Variants in SPATA13 observed in about 807,000 individuals in gnomAD.
SPATA13 encodes the protein spermatogenesis-associated protein 13.
A neutral mutation model predicts 104.0 loss-of-function variants in SPATA13; 50 were observed. The observed-to-expected ratio is 0.48, with a 90% confidence interval of 0.38 to 0.61. SPATA13 has a LOEUF of 0.61. SPATA13 is among the 20% of genes least tolerant of loss of function. The pLI, the probability that SPATA13 is intolerant of heterozygous loss-of-function variation, is 0.00. For missense variants in SPATA13, 1,524 were observed against 1,690.6 expected (o/e 0.90, Z 1.73); for synonymous variants, 606 against 667.5 (o/e 0.91, Z 1.42).
intron 4 of SPATA13, among the ~76,000 whole-genome samples, chr13:24,261,637 G>T (rs1440415584): frequency 6.6e-6 from 1 of 152,208 alleles, no homozygotes; most frequent in African/African-American, 2.4e-5. Context: ...AAAGTAGCCA[G>T]GCAGGTAAGC....
At chr13:24,145,650 T>G (rs771997059) in intron 3 of SPATA13, among the ~76,000 whole-genome samples, 6 of 152,040 alleles carry the variant, frequency 3.9e-5, no homozygotes, top group Non-Finnish European at 8.8e-5. Context: ...CAACTTACAG[T>G]TTGGGGAATG....
At chr13:24,138,485 C>T (rs182538874) in intron 3 of SPATA13, among the ~76,000 whole-genome samples, 30 of 152,216 alleles carry the variant, frequency 2.0e-4, no homozygotes, top group African/African-American at 7.0e-4. Context: ...GGAACTGCTG[C>T]GTTGGTTTTA....
rs1458068316 is a variant in SPATA13 at position 24,103,504 on chromosome 13, A to AAAAAAAAGAG, written c.-112+85804_-112+85805insAAAAAAGAGA. On this transcript the variant is annotated intron_variant, in intron 3 of 14. Transcript: ENST00000424834. ...TGTCTCAAAAAAAAAAAAAAAAAAC[A>AAAAAAAAGAG]AGAAAGAAAAGAGCAGGGGAGGAGA... Among the ~76,000 whole-genome samples the AAAAAAAAGAG allele has an allele frequency of 7.8e-5, 9 of 115,610 alleles. No individual in the cohort carries two copies. The East Asian group carries it at 1.4e-3, about 17-fold the overall frequency. The allele number at this position is 115,610 out of a possible 152,430, so 75.8% of individuals were successfully genotyped here. A position where few individuals can be genotyped will look rare whatever the true frequency, so the allele number is the denominator to read the frequency against.
intron 1 of SPATA13, among the ~76,000 whole-genome samples, chr13:24,188,195 G>C (rs1422681103): frequency 1.3e-5 from 2 of 152,016 alleles, no homozygotes; most frequent in Non-Finnish European, 2.9e-5. Context: ...CAAAAAATTA[G>C]CTGGGCGTGG....
At chr13:24,294,362 G>T (rs149177102) in intron 9 of SPATA13, among the ~76,000 whole-genome samples, 1 of 152,348 alleles carries the variant, frequency 6.6e-6, no homozygotes, top group African/African-American at 2.4e-5. Flanking sequence ...AGTACTTTAT[G>T]TAGCAAGAGT....
rs914404461 is a variant in SPATA13, at chr13:24,278,316, A to G, written c.2165-5819A>G. The stretch of plus-strand genomic sequence containing the variant: ...TGAGTTTCCTCATCTGCAAGTGGGG[A>G]CAACTGACAGTACCTCCCATGTAGC... On this transcript the variant is annotated intron_variant, in intron 4 of 12. Coordinates refer to ENST00000382108, the MANE Select transcript of SPATA13 (RefSeq NM_001166271.3). Among the ~76,000 whole-genome samples, 23 of 152,300 alleles carry G rather than the reference A, an allele frequency of 1.5e-4. No homozygotes were observed. In the South Asian group the frequency reaches 4.1e-3, roughly 27 times the overall value.
At chr13:24,098,606 A>AG (rs1555261417) in intron 3 of SPATA13, among the ~76,000 whole-genome samples, 39 of 147,910 alleles carry the variant, frequency 2.6e-4, no homozygotes, top group African/African-American at 8.6e-4. Context: ...AAAAAAAAAA[A>AG]AAGAAGAAGA....
chr13:24,040,740 A>C (rs569183227), intron 3 of SPATA13, among the ~76,000 whole-genome samples: 5 of 152,204 alleles, frequency 3.3e-5, no homozygotes, highest in Non-Finnish European at 7.4e-5. Context: ...GGGTCGCTTC[A>C]AGGCACCCCA....
At position 24,185,697 on chromosome 13, in the gene SPATA13, A is replaced by C. The variant is rs535692986; in HGVS notation, c.-112+24765A>C. ...TGAAGGTTTCTCAATTCCTGGATTTAACTTAGAACACATACAAATAGATGC... is the reference window on the plus strand; with the variant it reads ...TGAAGGTTTCTCAATTCCTGGATTTCACTTAGAACACATACAAATAGATGC... On this transcript the variant is annotated intron_variant, in intron 1 of 12. Transcript: ENST00000382108. Among the ~76,000 whole-genome samples, 4 of 150,520 alleles carry C rather than the reference A, an allele frequency of 2.7e-5. No individual in the cohort carries two copies. In the South Asian group the frequency reaches 8.5e-4, roughly 32 times the overall value.
At chr13:24,189,854 A>ATATACTATGATAATT in intron 1 of SPATA13, among the ~76,000 whole-genome samples, 2 of 44,646 alleles carry the variant, frequency 4.5e-5, no homozygotes, top group African/African-American at 1.1e-4. Flanking sequence ...ATATTATATT[A>ATATACTATGATAATT]ATATATCATA....
At position 24,075,467 on chromosome 13, in the gene SPATA13, C is replaced by T. The variant is rs75235178; in HGVS notation, c.-112+57766C>T. On this transcript the variant is annotated intron_variant, in intron 3 of 14. Coordinates refer to the SPATA13 transcript ENST00000424834. Reference sequence around the variant, plus strand: ...AAGGGGAAAAATCTTTTCATTAAGCCAAGGGTTTAAATAAACTCAAGACTT... The same window carrying T: ...AAGGGGAAAAATCTTTTCATTAAGCTAAGGGTTTAAATAAACTCAAGACTT... 5.0e-4 allele frequency among the ~76,000 whole-genome samples: 76 copies of T among 152,066 alleles called. No individual in the cohort carries two copies. The East Asian group carries it at 0.014, about 28-fold the overall frequency.
At chr13:24,122,836 T>A (rs1593344288) in intron 3 of SPATA13, 1 of 773,128 alleles carries the variant, frequency 1.3e-6, no homozygotes. Context: ...AAAGAGAAGA[T>A]CTCCTCATAG....
intron 1 of SPATA13, among the ~76,000 whole-genome samples, chr13:24,172,703 T>G (rs1036165279): frequency 9.2e-5 from 14 of 151,996 alleles, no homozygotes; most frequent in Non-Finnish European, 1.8e-4. Flanking sequence ...TACTCTGTTC[T>G]TTTGATCTAT....
At chr13:24,012,497 G>A (rs1029353738) in intron 2 of SPATA13, among the ~76,000 whole-genome samples, 1 of 152,228 alleles carries the variant, frequency 6.6e-6, no homozygotes, top group Non-Finnish European at 1.5e-5. Context: ...CAAGGAGTGG[G>A]AGAGGACAAG....
chr13:24,282,202 G>A (rs149935190), intron 4 of SPATA13, among the ~76,000 whole-genome samples: 39 of 152,180 alleles, frequency 2.6e-4, no homozygotes, highest in East Asian at 1.9e-3. Context: ...TGTGTCTGCC[G>A]AGCACCTGGC....
At chr13:24,046,601 G>A (rs79557688) in intron 3 of SPATA13, among the ~76,000 whole-genome samples, 15,694 of 149,204 alleles carry the variant, frequency 0.11, 950 homozygotes, top group South Asian at 0.19. Context: ...ATTCATCCAT[G>A]ATGTGTGGGT....
intron 3 of SPATA13, among the ~76,000 whole-genome samples, chr13:24,154,693 C>G (rs368805709): frequency 4.6e-5 from 7 of 152,270 alleles, no homozygotes; most frequent in East Asian, 3.9e-4. Flanking sequence ...GGAGTCTGGG[C>G]ACAGCTTAGC....
Position 24,208,618 on chromosome 13 carries a change from C to T in SPATA13, c.-111-14201C>T, listed in dbSNP as rs1870843429. ...GATCTTTAGTTGCAGATAGGTGTCA[C>T]CTTCTTGTCCAGAGGGTTCCCAGAC... On this transcript the variant is annotated intron_variant, in intron 1 of 12. Coordinates refer to ENST00000382108, the MANE Select transcript of SPATA13 (RefSeq NM_001166271.3). Among the ~76,000 whole-genome samples, 4 of 152,054 alleles carry T rather than the reference C, an allele frequency of 2.6e-5. No individual in the cohort carries two copies. In the South Asian group the frequency reaches 8.3e-4, roughly 32 times the overall value.
intron 3 of SPATA13, chr13:24,123,409 G>C (rs919018444): frequency 1.5e-6 from 2 of 1,292,326 alleles, no homozygotes; most frequent in South Asian, 1.2e-5. Context: ...CTGCTGAAGA[G>C]GGGGAGTACA....
Sources: gnomAD v4.1 joint callset for allele counts (sites outside exome capture counted in the v4.1 genomes callset) on GRCh38, gnomAD v4.1.1 for gene constraint, MANE v1.5 for transcripts, NCBI Gene and HGNC (gene_info 2026-07-23, HGNC 2026-07-21) for gene names.